ACER2: variants seen among roughly 807,000 people sequenced by gnomAD.
The protein encoded by ACER2 is alkCDase 2.
Under a neutral mutation model 34.7 loss-of-function variants are expected in ACER2, and 26 were observed. The observed-to-expected ratio is 0.75, with a 90% CI of 0.55 to 1.04. The LOEUF (loss-of-function observed/expected upper bound fraction) is 1.04, where lower values mean the gene tolerates loss of function less well. ACER2 is among the 50% of genes least tolerant of loss of function. The pLI is 0.00. For synonymous variants in ACER2, 138 were observed against 132.1 expected, an observed-to-expected ratio of 1.04 and a Z score of -0.31; for missense variants, 352 against 340.8, an observed-to-expected ratio of 1.03 and a Z score of -0.26.
chr9:19,439,344 C>CTTTT lies in ACER2; in HGVS notation c.503+4270_503+4273dup, dbSNP rs55690063. On this transcript the variant is annotated intron_variant, in intron 4 of 5. Transcript: ENST00000340967. ...GCTGCTCCCTCTCTAAAGGGGCTTG[C>CTTTT]TTTTTTTTTTTTTGGAGACGTAGTC... Among the ~76,000 whole-genome samples the CTTTT allele has an allele frequency of 9.6e-3, 1,328 of 138,716 alleles. 30 individuals carry two copies. Among genetic ancestry groups the CTTTT allele is most frequent in the African/African-American group, 0.034 (1,264 of 37,680 alleles). 91.0% of individuals were successfully genotyped at this position (138,716 alleles called of 152,430 possible). A position where few individuals can be genotyped will look rare whatever the true frequency, so the allele number is the denominator to read the frequency against.
At chr9:19,425,823 T>C (rs2132480624) in intron 3 of ACER2, among the ~76,000 whole-genome samples, 1 of 152,322 alleles carries the variant, frequency 6.6e-6, no homozygotes, top group South Asian at 2.1e-4. Flanking sequence ...AATATACATA[T>C]ATGGCTAAAT....
Position 19,450,492 on chromosome 9 carries a change from C to G in ACER2, c.684C>G (p.Cys228Trp). ...TTGCTGCCTACCTGGGCTGTGTATGCTTTGCCTACTTTGATGCTGCCTCAG... is the reference window on the plus strand; with the variant it reads ...TTGCTGCCTACCTGGGCTGTGTATGGTTTGCCTACTTTGATGCTGCCTCAG... Reference protein sequence around the residue: ...ICLAAYLGCVCFAYFDAASEI... With the variant: ...ICLAAYLGCVWFAYFDAASEI... The change falls in exon 6 of 6, where the codon TGC (cysteine) becomes TGG (tryptophan). Residue 228 changes from cysteine (C) to tryptophan (W), a missense_variant. Cys to Trp is a radical substitution (Grantham distance 215). Coordinates refer to ENST00000340967, the MANE Select transcript of ACER2 (RefSeq NM_001010887.3). 6.2e-7 allele frequency: 1 copy of G among 1,612,026 alleles called. No individual in the cohort carries two copies. Among genetic ancestry groups the G allele is most frequent in the Non-Finnish European group, 8.5e-7 (1 of 1,178,354 alleles).
intron 4 of ACER2, among the ~76,000 whole-genome samples, chr9:19,439,065 A>G (rs1363056917): frequency 2.0e-5 from 3 of 152,258 alleles, no homozygotes; most frequent in African/African-American, 4.8e-5. Flanking sequence ...TGATCTTTAC[A>G]TAAGGAAATA....
intron 3 of ACER2, among the ~76,000 whole-genome samples, chr9:19,426,261 T>C (rs1191148505): frequency 6.6e-6 from 1 of 150,776 alleles, no homozygotes; most frequent in Admixed American, 6.6e-5. Context: ...CACATTAATC[T>C]CTTTCTTTCT....
intron 1 of ACER2, among the ~76,000 whole-genome samples, chr9:19,412,078 A>T (rs1336275601): frequency 6.6e-6 from 1 of 152,218 alleles, no homozygotes; most frequent in African/African-American, 2.4e-5. Flanking sequence ...ACTAACTTAG[A>T]TTTATCTATT....
intron 4 of ACER2, among the ~76,000 whole-genome samples, chr9:19,435,741 G>A (rs1830943058): frequency 6.6e-6 from 1 of 151,752 alleles, no homozygotes; most frequent in African/African-American, 2.4e-5. Flanking sequence ...GACAGAGTGA[G>A]ACTTGTCTCA....
intron 1 of ACER2, among the ~76,000 whole-genome samples, chr9:19,413,670 C>T (rs1015004126): frequency 6.6e-6 from 1 of 151,514 alleles, no homozygotes; most frequent in Non-Finnish European, 1.5e-5. Flanking sequence ...TGGAGAAAAG[C>T]CGGGTCTGCC....
At chr9:19,428,985 T>C (rs1305203566) in intron 3 of ACER2, among the ~76,000 whole-genome samples, 2 of 151,870 alleles carry the variant, frequency 1.3e-5, no homozygotes, top group African/African-American at 4.8e-5. Context: ...AGACAGGGTT[T>C]CACCAGGTTG....
intron 3 of ACER2, among the ~76,000 whole-genome samples, chr9:19,427,184 C>G (rs1830597518): frequency 6.6e-6 from 1 of 152,172 alleles, no homozygotes. Flanking sequence ...TCCTGTAGGG[C>G]ACTTAGCATA....
chr9:19,431,053 G>T (rs1830739816), intron 3 of ACER2, among the ~76,000 whole-genome samples: 1 of 151,934 alleles, frequency 6.6e-6, no homozygotes, highest in Admixed American at 6.6e-5. Flanking sequence ...AAACCATTTG[G>T]CAGTACTCTG....
intron 1 of ACER2, among the ~76,000 whole-genome samples, chr9:19,415,583 G>A (rs1322060935): frequency 2.0e-5 from 3 of 152,080 alleles, no homozygotes; most frequent in South Asian, 4.2e-4. Flanking sequence ...TTTGCTGTAG[G>A]TGTGATAAAT....
At chr9:19,409,227 C>T in intron 1 of ACER2, 35 bp downstream of exon 1, 1 of 1,548,382 alleles carries the variant, frequency 6.5e-7, no homozygotes, top group Non-Finnish European at 8.7e-7. Context: ...GCAGGCGGGC[C>T]AGCGGGAGGG....
chr9:19,437,892 A>G (rs1005386969), intron 4 of ACER2, among the ~76,000 whole-genome samples: 3 of 152,148 alleles, frequency 2.0e-5, no homozygotes, highest in African/African-American at 7.2e-5. Flanking sequence ...TCTCTTAAAT[A>G]TAGATACTTA....
chr9:19,409,614 C>T lies in ACER2; in HGVS notation c.108+422C>T, dbSNP rs371578978. Reference sequence around the variant, plus strand: ...TGCTTTTTTGCCCTGAATACCTGCTCTCGGAGTGCTGGGAAGAGCACGCCC... The same window carrying T: ...TGCTTTTTTGCCCTGAATACCTGCTTTCGGAGTGCTGGGAAGAGCACGCCC... On this transcript the variant is annotated intron_variant, in intron 1 of 5. Coordinates refer to ENST00000340967, the MANE Select transcript of ACER2 (RefSeq NM_001010887.3). 1.2e-4 allele frequency among the ~76,000 whole-genome samples: 18 copies of T among 152,260 alleles called. 1 individual carries two copies. Among genetic ancestry groups the T allele is most frequent in the Admixed American group, 3.9e-4 (6 of 15,292 alleles).
chr9:19,410,056 C>A, intron 1 of ACER2: 1 of 614,784 alleles, frequency 1.6e-6, no homozygotes, highest in Non-Finnish European at 2.0e-6. Flanking sequence ...TTTGCGTGGT[C>A]ATTTCTGTGG....
At chr9:19,416,743 G>C (rs1407819343) in intron 1 of ACER2, among the ~76,000 whole-genome samples, 1 of 151,584 alleles carries the variant, frequency 6.6e-6, no homozygotes, top group Admixed American at 6.6e-5. Flanking sequence ...ATGTTGGCCA[G>C]GCTGGTCTCA....
intron 3 of ACER2, among the ~76,000 whole-genome samples, chr9:19,427,060 C>G (rs1830594047): frequency 6.6e-6 from 1 of 152,176 alleles, no homozygotes; most frequent in African/African-American, 2.4e-5. Flanking sequence ...GCTTTGGAAG[C>G]AATCTGGGTT....
intron 1 of ACER2, among the ~76,000 whole-genome samples, chr9:19,413,147 C>G (rs1359291923): frequency 6.6e-6 from 1 of 152,228 alleles, no homozygotes. Flanking sequence ...CTGCAAATTT[C>G]TGTTGCCTCA....
At position 19,409,009 on chromosome 9, in the gene ACER2, G is replaced by C; in HGVS notation, c.-76G>C. ...AAAGCCGCTTTCGCCGCTGGCTGTC[G>C]CCGCGTTTTGCCTCCGCAGCAGCTC... On this transcript the variant is annotated 5_prime_UTR_variant, in exon 1 of 6. Transcript: ENST00000340967. The C allele has an allele frequency of 7.6e-7, 1 of 1,312,260 alleles. No homozygotes were observed. Among genetic ancestry groups the C allele is most frequent in the Non-Finnish European group, 1.0e-6 (1 of 987,486 alleles). The allele number at this position is 1,312,260 out of a possible 1,614,324, so 81.3% of individuals were successfully genotyped here. A position where few individuals can be genotyped will look rare whatever the true frequency, so the allele number is the denominator to read the frequency against.
Sources: allele counts gnomAD v4.1 joint callset (sites outside exome capture counted in the v4.1 genomes callset), GRCh38; gene constraint gnomAD v4.1.1; transcripts MANE v1.5; gene names NCBI Gene and HGNC (gene_info 2026-07-23, HGNC 2026-07-21).